Variants in SYT9 observed in about 807,000 individuals in gnomAD.
SYT9 encodes synaptotagmin 9, also known as synaptotagmin-9.
SYT9 carries 22 observed loss-of-function variants against 48.4 expected under a neutral mutation model. The observed-to-expected ratio is 0.45, with a 90% CI of 0.32 to 0.65. The LOEUF (loss-of-function observed/expected upper bound fraction) is 0.65, where lower values mean the gene tolerates loss of function less well. Among genes scored for constraint, SYT9 ranks in the 30% least tolerant of loss-of-function variants. The pLI is 0.03. For missense variants in SYT9, 577 were observed against 622.0 expected (o/e 0.93, Z 0.77); for synonymous variants, 265 against 245.0 (o/e 1.08, Z -0.76).
intron 6 of SYT9, chr11:7,444,311 G>A (rs1847890636): frequency 6.6e-6 from 1 of 152,238 alleles, no homozygotes; most frequent in Admixed American, 6.5e-5. Context: ...TTCTTCAAGG[G>A]CTGTGCTCCC....
intron 3 of SYT9, among the ~76,000 whole-genome samples, chr11:7,321,167 T>C (rs956486292): frequency 6.6e-6 from 1 of 152,218 alleles, no homozygotes; most frequent in Non-Finnish European, 1.5e-5. Context: ...TTTCCCTCTA[T>C]GCCAATACAG....
At chr11:7,248,607 T>A (rs917953486), upstream of SYT9, among the ~76,000 whole-genome samples, 1 of 151,996 alleles carries the variant, frequency 6.6e-6, no homozygotes, top group Non-Finnish European at 1.5e-5. Flanking sequence ...ATAAAATACT[T>A]AGGAATATAC....
intron 3 of SYT9, among the ~76,000 whole-genome samples, chr11:7,367,113 G>C (rs190381631): frequency 9.9e-6 from 1 of 100,762 alleles, no homozygotes; most frequent in African/African-American, 3.8e-5. Context: ...ACGGAGCCTC[G>C]CTCTGTCACC....
intron 3 of SYT9, among the ~76,000 whole-genome samples, chr11:7,343,479 A>C (rs1849748139): frequency 6.6e-6 from 1 of 152,184 alleles, no homozygotes; most frequent in African/African-American, 2.4e-5. Context: ...AGCAAAAGTC[A>C]CTTTTACTTC....
At chr11:7,412,219 G>A (rs148091230) in intron 3 of SYT9, among the ~76,000 whole-genome samples, 1 of 152,144 alleles carries the variant, frequency 6.6e-6, no homozygotes, top group Non-Finnish European at 1.5e-5. Flanking sequence ...GAATTATTGT[G>A]TTCCTTTGAA....
At chr11:7,369,380 C>A (rs113688019) in intron 3 of SYT9, among the ~76,000 whole-genome samples, 10,682 of 151,446 alleles carry the variant, frequency 0.071, 418 homozygotes, top group Middle Eastern at 0.13. Flanking sequence ...AGATATTAGA[C>A]CTTTGTCAGA....
intron 3 of SYT9, among the ~76,000 whole-genome samples, chr11:7,351,707 C>T (rs982171193): frequency 2.6e-5 from 4 of 152,166 alleles, no homozygotes; most frequent in Non-Finnish European, 5.9e-5. Flanking sequence ...TTTTGCTTCT[C>T]TAGCAAGCAA....
rs114437483 is a variant in SYT9, at chr11:7,393,338, A to G, written c.1045-22704A>G. Among the ~76,000 whole-genome samples the G allele has an allele frequency of 3.2e-3, 478 of 150,844 alleles. 4 individuals are homozygous for G. The highest frequency in any genetic ancestry group is 0.011 in the African/African-American group (432 of 41,032). Reference sequence around the variant, plus strand: ...ATGAAGTAATGTTGAATTTTATCTAAAGCTTTCTCTGTGTATATTGAGATG... The same window carrying G: ...ATGAAGTAATGTTGAATTTTATCTAGAGCTTTCTCTGTGTATATTGAGATG... On this transcript the variant is annotated intron_variant, in intron 3 of 6. Transcript: ENST00000318881.
At chr11:7,402,918 T>C (rs554045760) in intron 3 of SYT9, among the ~76,000 whole-genome samples, 1 of 152,338 alleles carries the variant, frequency 6.6e-6, no homozygotes, top group African/African-American at 2.4e-5. Context: ...AGCACTTTTA[T>C]TATTCCATTT....
chr11:7,247,642 T>A (rs1467038054), upstream of SYT9, among the ~76,000 whole-genome samples: 24 of 143,570 alleles, frequency 1.7e-4, no homozygotes, highest in Admixed American at 1.7e-3. Flanking sequence ...TATATATACG[T>A]GATATATATA....
At chr11:7,306,081 C>T (rs924384733) in intron 2 of SYT9, among the ~76,000 whole-genome samples, 4 of 152,128 alleles carry the variant, frequency 2.6e-5, no homozygotes, top group Non-Finnish European at 5.9e-5. Context: ...TAGTACCATC[C>T]AAAATTCCTG....
chr11:7,293,642 C>T (rs978360383), intron 1 of SYT9, among the ~76,000 whole-genome samples: 6 of 152,154 alleles, frequency 3.9e-5, no homozygotes, highest in Admixed American at 2.0e-4. Context: ...TCAGAAGAAC[C>T]ACATAATATG....
At chr11:7,322,375 C>A (rs1174854535) in intron 3 of SYT9, among the ~76,000 whole-genome samples, 1 of 152,178 alleles carries the variant, frequency 6.6e-6, no homozygotes, top group East Asian at 1.9e-4. Flanking sequence ...TGGTTTCCAG[C>A]TGCCAAGAGG....
At position 7,467,657 on chromosome 11, in the gene SYT9, A is replaced by G. The variant is rs1265805829; in HGVS notation, c.*857A>G. 1 of 152,306 alleles carries G rather than the reference A, an allele frequency of 6.6e-6. No homozygotes were observed. The highest frequency in any genetic ancestry group is 6.5e-5 in the Admixed American group (1 of 15,288). The allele number at this position is 152,306 out of a possible 1,614,324, so 9.4% of individuals were successfully genotyped here. A position where few individuals can be genotyped will look rare whatever the true frequency, so the allele number is the denominator to read the frequency against. ...AGGCACATTCGTCCACTAAGGGAACAGCCTCAGAAACTGGTACAGCAATGG... is the reference window on the plus strand; with the variant it reads ...AGGCACATTCGTCCACTAAGGGAACGGCCTCAGAAACTGGTACAGCAATGG... On this transcript the variant is annotated 3_prime_UTR_variant, in exon 7 of 7. Transcript: ENST00000318881.
At chr11:7,363,393 C>T (rs1850182876) in intron 3 of SYT9, among the ~76,000 whole-genome samples, 1 of 152,014 alleles carries the variant, frequency 6.6e-6, no homozygotes, top group African/African-American at 2.4e-5. Flanking sequence ...ATACTAGTAC[C>T]GAAATGTAGA....
At chr11:7,284,856 A>G (rs1589913671) in intron 1 of SYT9, among the ~76,000 whole-genome samples, 2 of 152,050 alleles carry the variant, frequency 1.3e-5, no homozygotes, top group South Asian at 4.2e-4. Context: ...TCTTTGCTTC[A>G]TATTCTTAGT....
intron 6 of SYT9, chr11:7,454,312 G>T: frequency 1.0e-6 from 1 of 985,200 alleles, no homozygotes; most frequent in African/African-American, 1.7e-5. Context: ...CATGATTCCA[G>T]ATGATGCTTA....
chr11:7,458,957 C>T (rs149424593), intron 6 of SYT9, among the ~76,000 whole-genome samples: 12 of 152,280 alleles, frequency 7.9e-5, no homozygotes, highest in East Asian at 7.7e-4. Context: ...CAAGGTTGGA[C>T]GTGAGAATAC....
intron 2 of SYT9, among the ~76,000 whole-genome samples, chr11:7,311,040 C>T (rs11827846): frequency 0.036 from 5,486 of 152,200 alleles, 177 homozygotes; most frequent in East Asian, 0.08. Context: ...CAGTGGCTAA[C>T]GCCTGTAATC....
Sources: allele counts gnomAD v4.1 joint callset (sites outside exome capture counted in the v4.1 genomes callset), GRCh38; gene constraint gnomAD v4.1.1; transcripts MANE v1.5; gene names NCBI Gene and HGNC (gene_info 2026-07-23, HGNC 2026-07-21).